ARFIP1: variants seen among roughly 807,000 people sequenced by gnomAD.
ARFIP1 encodes ARF interacting protein 1.
ARFIP1 carries 24 observed loss-of-function variants against 42.5 expected under a neutral mutation model. That is an observed-to-expected ratio of 0.57 (90% CI 0.41 to 0.80). The LOEUF is 0.80. ARFIP1 is among the 30% of genes least tolerant of loss of function. The pLI is 0.00. For synonymous variants in ARFIP1, 141 were observed against 153.7 expected (o/e 0.92, Z 0.61); for missense variants, 354 against 434.0 (o/e 0.82, Z 1.64).
intron 6 of ARFIP1, among the ~76,000 whole-genome samples, chr4:152,882,193 G>A (rs1735897299): frequency 6.6e-6 from 1 of 152,150 alleles, no homozygotes; most frequent in Non-Finnish European, 1.5e-5. Context: ...TCCTTCCTCA[G>A]TTGTGTGCCT....
chr4:152,909,106 C>T (rs780450987), intron 8 of ARFIP1, among the ~76,000 whole-genome samples: 1 of 152,220 alleles, frequency 6.6e-6, no homozygotes, highest in Non-Finnish European at 1.5e-5. Context: ...CTCAGATGTC[C>T]GGGCTTGGTG....
intron 2 of ARFIP1, among the ~76,000 whole-genome samples, chr4:152,854,005 C>G (rs924516664): frequency 6.6e-6 from 1 of 150,738 alleles, no homozygotes; most frequent in Non-Finnish European, 1.5e-5. Context: ...CTCCACCTCC[C>G]GAGTTCAAGC....
At chr4:152,787,037 G>T (rs1215645980) in intron 1 of ARFIP1, among the ~76,000 whole-genome samples, 1 of 152,148 alleles carries the variant, frequency 6.6e-6, no homozygotes, top group Non-Finnish European at 1.5e-5. Context: ...TCATGTGACT[G>T]TAAGATTTTC....
At chr4:152,863,410 T>C (rs904659637) in intron 2 of ARFIP1, among the ~76,000 whole-genome samples, 196 bp from the exon 3 acceptor site, 1 of 152,248 alleles carries the variant, frequency 6.6e-6, no homozygotes, top group Non-Finnish European at 1.5e-5. Context: ...ATGTACACAA[T>C]ACCACTTAAT....
chr4:152,902,410 G>A (rs1032210770), intron 8 of ARFIP1, among the ~76,000 whole-genome samples: 1 of 152,166 alleles, frequency 6.6e-6, no homozygotes, highest in Non-Finnish European at 1.5e-5. Flanking sequence ...GCTGAGGTAG[G>A]AGGATCACTT....
chr4:152,828,247 CA>C, intron 1 of ARFIP1, among the ~76,000 whole-genome samples: 1 of 152,170 alleles, frequency 6.6e-6, no homozygotes, highest in Non-Finnish European at 1.5e-5. Context: ...ATTGCTGAAT[CA>C]TATGTAAGAG....
At chr4:152,851,856 T>G (rs1472532097) in intron 2 of ARFIP1, among the ~76,000 whole-genome samples, 1 of 152,250 alleles carries the variant, frequency 6.6e-6, no homozygotes, top group Non-Finnish European at 1.5e-5. Context: ...TAAACTTATG[T>G]TTTTAATGTC....
intron 2 of ARFIP1, among the ~76,000 whole-genome samples, chr4:152,859,915 T>TTA (rs372371743): frequency 1.1e-4 from 16 of 151,512 alleles, no homozygotes; most frequent in African/African-American, 3.9e-4. Flanking sequence ...TCTAATATAA[T>TTA]TAAGATGGGG....
chr4:152,832,533 T>C (rs1731333086), intron 2 of ARFIP1, among the ~76,000 whole-genome samples: 1 of 152,226 alleles, frequency 6.6e-6, no homozygotes, highest in Non-Finnish European at 1.5e-5. Flanking sequence ...CTATGTCTTG[T>C]TTTTGTACTC....
chr4:152,858,210 C>T (rs186673902), intron 2 of ARFIP1, among the ~76,000 whole-genome samples: 4 of 152,168 alleles, frequency 2.6e-5, no homozygotes, highest in African/African-American at 9.6e-5. Flanking sequence ...GTGGATGGCT[C>T]GAGCCCAGGG....
chr4:152,882,597 AG>A, intron 6 of ARFIP1, 125 bp from the exon 7 acceptor site: 5 of 985,312 alleles, frequency 5.1e-6, no homozygotes, highest in Non-Finnish European at 7.3e-6. Flanking sequence ...GGAAAGGAAA[AG>A]TAAAACTGCT....
At chr4:152,785,886 G>A (rs947811077) in intron 1 of ARFIP1, among the ~76,000 whole-genome samples, 2 of 152,220 alleles carry the variant, frequency 1.3e-5, no homozygotes, top group South Asian at 4.1e-4. Context: ...AGTATCATAT[G>A]TGGCTGGTGG....
intron 2 of ARFIP1, among the ~76,000 whole-genome samples, chr4:152,846,120 A>G (rs190406541): frequency 1.1e-4 from 16 of 152,324 alleles, no homozygotes; most frequent in East Asian, 9.6e-4. Context: ...ACCAAATACC[A>G]TATATTCTCA....
At chr4:152,870,722 A>T (rs1578976175) in intron 3 of ARFIP1, 31 bp from the exon 4 acceptor site, 1 of 1,515,330 alleles carries the variant, frequency 6.6e-7, no homozygotes, top group Non-Finnish European at 9.2e-7. Flanking sequence ...GAGGAAAAGG[A>T]TTTTCACAGT....
intron 2 of ARFIP1, among the ~76,000 whole-genome samples, chr4:152,834,098 C>T (rs546651319): frequency 6.6e-6 from 1 of 152,230 alleles, no homozygotes; most frequent in Admixed American, 6.5e-5. Context: ...AGGTCCCAGA[C>T]TCTTTTAAAC....
intron 2 of ARFIP1, among the ~76,000 whole-genome samples, chr4:152,841,887 G>A (rs191689646): frequency 5.9e-5 from 9 of 152,170 alleles, no homozygotes; most frequent in South Asian, 4.2e-4. Context: ...GAAGGCACCC[G>A]TCTCGAGGAA....
At chr4:152,833,085 A>G (rs143725274) in intron 2 of ARFIP1, among the ~76,000 whole-genome samples, 1,797 of 152,264 alleles carry the variant, frequency 0.012, 122 homozygotes, top group Admixed American at 0.1. Context: ...AAAGGAAACA[A>G]TCAACAAAAT....
intron 3 of ARFIP1, among the ~76,000 whole-genome samples, chr4:152,866,535 C>T (rs1294544120): frequency 7.0e-4 from 73 of 103,844 alleles, no homozygotes; most frequent in Non-Finnish European, 1.6e-4. Context: ...GGCGGCTGGC[C>T]GCGCGGGGGC....
At chr4:152,813,185 C>T (rs1370492462) in intron 1 of ARFIP1, among the ~76,000 whole-genome samples, 1 of 152,092 alleles carries the variant, frequency 6.6e-6, no homozygotes, top group Admixed American at 6.6e-5. Flanking sequence ...TTAGGTATTA[C>T]AGATAATCTA....
Sources: gnomAD v4.1 joint callset for allele counts (sites outside exome capture counted in the v4.1 genomes callset) on GRCh38, gnomAD v4.1.1 for gene constraint, MANE v1.5 for transcripts, NCBI Gene and HGNC (gene_info 2026-07-23, HGNC 2026-07-21) for gene names.